The following TANC2 variants were observed in gnomAD, a reference collection of about 807,000 sequenced individuals.
The protein encoded by TANC2 is protein TANC2.
In TANC2, 26 loss-of-function variants were observed where a neutral mutation model predicts 210.5. The ratio of observed to expected loss-of-function variants is 0.12; its 90% CI spans 0.09 to 0.17. The LOEUF is 0.17. TANC2 is among the 10% of genes least tolerant of loss of function. The pLI is 1.00. For synonymous variants in TANC2, 931 were observed against 967.1 expected (o/e 0.96, Z 0.69); for missense variants, 2,129 against 2,608.9 (o/e 0.82, Z 4.01).
exon 14 of TANC2, chr17:63,355,301 C>T: frequency 6.2e-7 from 1 of 1,612,998 alleles, no homozygotes; most frequent in Non-Finnish European, 8.5e-7. Context: ...AGCGCAGAGA[C>T]ATGACTCGTA....
At chr17:63,045,784 C>T (rs2035354400) in intron 2 of TANC2, among the ~76,000 whole-genome samples, 1 of 151,864 alleles carries the variant, frequency 6.6e-6, no homozygotes, top group Admixed American at 6.6e-5. Context: ...TCAGTTCTTT[C>T]CATATTCTTT....
chr17:63,082,899 C>T (rs995984045), intron 3 of TANC2, among the ~76,000 whole-genome samples: 1 of 152,172 alleles, frequency 6.6e-6, no homozygotes, highest in Non-Finnish European at 1.5e-5. Flanking sequence ...CAGGTATTCA[C>T]ATGGGGCATA....
chr17:63,242,845 C>T (rs919076543), intron 8 of TANC2, among the ~76,000 whole-genome samples: 2 of 152,128 alleles, frequency 1.3e-5, no homozygotes, highest in East Asian at 3.9e-4. Flanking sequence ...ACATGAATCT[C>T]AAAATAATTA....
At chr17:63,297,224 A>G (rs909403731) in intron 9 of TANC2, among the ~76,000 whole-genome samples, 3 of 152,190 alleles carry the variant, frequency 2.0e-5, no homozygotes, top group African/African-American at 7.2e-5. Context: ...AAATTCTCAA[A>G]TTCACATGGA....
At chr17:63,030,330 C>T (rs976445346) in intron 2 of TANC2, among the ~76,000 whole-genome samples, 3 of 152,028 alleles carry the variant, frequency 2.0e-5, no homozygotes, top group Non-Finnish European at 4.4e-5. Flanking sequence ...CTAAGAATTC[C>T]AGCAGTAGAA....
intron 14 of TANC2, among the ~76,000 whole-genome samples, chr17:63,367,923 G>A (rs2047156927): frequency 6.6e-6 from 1 of 152,174 alleles, no homozygotes; most frequent in Non-Finnish European, 1.5e-5. Flanking sequence ...TGATAACTCT[G>A]GTGATGTGAA....
intron 25 of TANC2, among the ~76,000 whole-genome samples, chr17:63,414,693 G>GA (rs2048806405): frequency 6.6e-6 from 1 of 152,146 alleles, no homozygotes; most frequent in Non-Finnish European, 1.5e-5. Flanking sequence ...GGTGCTAAGG[G>GA]AAAAGTAAAA....
intron 9 of TANC2, among the ~76,000 whole-genome samples, chr17:63,302,008 T>C (rs2044735682): frequency 6.6e-6 from 1 of 152,246 alleles, no homozygotes; most frequent in Non-Finnish European, 1.5e-5. Flanking sequence ...AGAGAACTTC[T>C]TGATTTCTGC....
Position 63,149,048 on chromosome 17 carries a change from TAGA to T in TANC2, c.323-2217_323-2215del, listed in dbSNP as rs1214216748. The T allele has an allele frequency of 2.3e-4, 35 of 152,088 alleles. 1 individual carries two copies. The allele number at this position is 152,088 out of a possible 1,614,324, so 9.4% of individuals were successfully genotyped here. A position where few individuals can be genotyped will look rare whatever the true frequency, so the allele number is the denominator to read the frequency against. ...GATGAGGGAAGAGGTGAAGAGTAGA[TAGA>T]AGAAAGAATTAAATGTCTCCTGTGA... On this transcript the variant is annotated intron_variant, in intron 4 of 27. Transcript: ENST00000689528.
chr17:63,173,458 C>T (rs1460579053), intron 5 of TANC2, among the ~76,000 whole-genome samples: 1 of 152,214 alleles, frequency 6.6e-6, no homozygotes, highest in Admixed American at 6.5e-5. Context: ...TTTGCCCTTG[C>T]TTCCAACTTA....
intron 14 of TANC2, 90 bp downstream of exon 14, chr17:63,355,480 T>C (rs2046754354): frequency 7.5e-7 from 1 of 1,331,974 alleles, no homozygotes; most frequent in East Asian, 2.5e-5. Context: ...TGTTCTTCAT[T>C]GAACATTTCA....
At chr17:62,978,402 A>G (rs1017170867) in intron 1 of TANC2, 6 of 152,188 alleles carry the variant, frequency 3.9e-5, no homozygotes, top group African/African-American at 1.4e-4. Flanking sequence ...GCCCATGTGG[A>G]CAGCAGTCCA....
At chr17:62,972,218 G>C (rs951417751) in intron 1 of TANC2, among the ~76,000 whole-genome samples, 2 of 152,130 alleles carry the variant, frequency 1.3e-5, no homozygotes, top group Admixed American at 1.3e-4. Context: ...TTGTGGATAT[G>C]TCATATAAGT....
At chr17:63,253,762 G>A (rs902480679) in intron 8 of TANC2, among the ~76,000 whole-genome samples, 8 of 151,958 alleles carry the variant, frequency 5.3e-5, no homozygotes, top group Non-Finnish European at 4.4e-5. Context: ...TGGAACTATA[G>A]GTGTGTGCCA....
chr17:63,394,357 A>G (rs2048087551), intron 17 of TANC2, among the ~76,000 whole-genome samples: 1 of 152,036 alleles, frequency 6.6e-6, no homozygotes. Flanking sequence ...ACTTCCCTCT[A>G]TTAATTTTTG....
At chr17:63,009,547 G>T (rs1461599246) in exon 2 of TANC2, 2 of 1,611,128 alleles carry the variant, frequency 1.2e-6, no homozygotes, top group Admixed American at 3.3e-5. Flanking sequence ...TTTTGCAGTA[G>T]AAGAGTATAA....
chr17:62,970,569 C>T (rs1312116108), intron 1 of TANC2, among the ~76,000 whole-genome samples: 2 of 151,852 alleles, frequency 1.3e-5, no homozygotes, highest in Non-Finnish European at 2.9e-5. Context: ...GGAAGGAGAC[C>T]CTAGAAAGGA....
intron 2 of TANC2, among the ~76,000 whole-genome samples, chr17:63,062,267 C>G (rs947278131): frequency 6.6e-6 from 1 of 152,096 alleles, no homozygotes; most frequent in Admixed American, 6.6e-5. Context: ...CTCCACATAG[C>G]TTTCTCTTTT....
At chr17:63,127,590 A>G (rs1255648219) in intron 4 of TANC2, among the ~76,000 whole-genome samples, 4 of 152,216 alleles carry the variant, frequency 2.6e-5, no homozygotes, top group African/African-American at 9.6e-5. Context: ...AAATCTATTC[A>G]TGCTTTAATT....
Sources: allele counts gnomAD v4.1 joint callset (sites outside exome capture counted in the v4.1 genomes callset), GRCh38; gene constraint gnomAD v4.1.1; transcripts MANE v1.5; gene names NCBI Gene and HGNC (gene_info 2026-07-23, HGNC 2026-07-21).